Variants in HMGCLL1 observed in about 807,000 individuals in gnomAD.
HMGCLL1 encodes the protein 3-hydroxy-3-methylglutaryl-CoA lyase like 1.
Under a neutral mutation model 39.1 loss-of-function variants are expected in HMGCLL1, and 36 were observed. The ratio of observed to expected loss-of-function variants is 0.92; its 90% confidence interval spans 0.71 to 1.22. HMGCLL1 has a LOEUF of 1.22. HMGCLL1 is among the 50% of genes most tolerant of loss of function. The pLI, the probability that HMGCLL1 is intolerant of heterozygous loss-of-function variation, is 0.00. For missense variants in HMGCLL1, 451 were observed against 416.5 expected (o/e 1.08, Z -0.72); for synonymous variants, 149 against 144.0 (o/e 1.03, Z -0.25).
intron 1 of HMGCLL1, among the ~76,000 whole-genome samples, chr6:55,561,633 TA>T (rs529260515): frequency 0.013 from 1,914 of 152,122 alleles, 34 homozygotes; most frequent in African/African-American, 0.043. Flanking sequence ...AAAGCCAACT[TA>T]AAAAAAGTAT....
the HMGCLL1 span, among the ~76,000 whole-genome samples, chr6:55,667,534 T>C: frequency 6.6e-6 from 1 of 151,760 alleles, no homozygotes; most frequent in Non-Finnish European, 1.5e-5. Context: ...AAGGAGGCTT[T>C]TTCACATCAG....
intron 3 of HMGCLL1, among the ~76,000 whole-genome samples, chr6:55,522,958 A>G (rs1768110947): frequency 6.6e-6 from 1 of 151,982 alleles, no homozygotes; most frequent in African/African-American, 2.4e-5. Context: ...TTCATGTGAG[A>G]AAAAAATACA....
At chr6:55,659,828 C>A in the HMGCLL1 span, among the ~76,000 whole-genome samples, 1 of 151,888 alleles carries the variant, frequency 6.6e-6, no homozygotes, top group South Asian at 2.1e-4. Flanking sequence ...ATAAAGTTAC[C>A]AAAGTATTTC....
At chr6:55,602,175 A>T in the HMGCLL1 span, among the ~76,000 whole-genome samples, 1 of 152,138 alleles carries the variant, frequency 6.6e-6, no homozygotes, top group Non-Finnish European at 1.5e-5. Flanking sequence ...ATGTATGCAG[A>T]GCATAGTGGG....
Position 55,521,873 on chromosome 6 carries a change from G to A in HMGCLL1, c.298-5270C>T, listed in dbSNP as rs183660022. Among the ~76,000 whole-genome samples the A allele has an allele frequency of 1.9e-3, 283 of 152,162 alleles. 1 individual carries two copies. The highest frequency in any genetic ancestry group is 6.8e-3 in the Middle Eastern group (2 of 294). ...TGATTAAGTTTAGTGAGAAAGGAAT[G>A]TTGAAAGCCCCGATAGGTGATAAAC... is the stretch of plus-strand genomic sequence containing the variant. On this transcript the variant is annotated intron_variant, in intron 3 of 8. Transcript: ENST00000274901.
At chr6:55,625,626 G>A in the HMGCLL1 span, among the ~76,000 whole-genome samples, 9 of 152,100 alleles carry the variant, frequency 5.9e-5, no homozygotes, top group South Asian at 2.1e-4. Context: ...CCAGTGGGCC[G>A]AACTTTGAGC....
rs764795432 is a variant in HMGCLL1, at chr6:55,516,642, G to A, written c.298-39C>T. ...TAGTTATATGTAAATGTGTAACTTC[G>A]AATATGTTACCGAGAATCATTTTAG... is the stretch of plus-strand genomic sequence containing the variant. On this transcript the variant is annotated intron_variant, in intron 3 of 8. Coordinates refer to ENST00000274901, the MANE Select transcript of HMGCLL1 (RefSeq NM_001042406.2). 8.4e-6 allele frequency: 11 copies of A among 1,305,700 alleles called. No individual in the cohort carries two copies. In the African/African-American group the frequency reaches 8.7e-5, roughly 10 times the overall value. 80.9% of individuals were successfully genotyped at this position (1,305,700 alleles called of 1,614,324 possible).
chr6:55,586,283 G>C, the HMGCLL1 span, among the ~76,000 whole-genome samples: 1 of 152,008 alleles, frequency 6.6e-6, no homozygotes, highest in Non-Finnish European at 1.5e-5. Context: ...CCACATTCGA[G>C]AGGATTGGGT....
intron 7 of HMGCLL1, among the ~76,000 whole-genome samples, chr6:55,484,898 C>G (rs1407675234): frequency 7.1e-6 from 1 of 141,368 alleles, no homozygotes; most frequent in Non-Finnish European, 1.5e-5. Flanking sequence ...CAGGACTGCT[C>G]AAAACCCTGT....
chr6:55,456,749 T>G (rs892334728), intron 7 of HMGCLL1, among the ~76,000 whole-genome samples: 2 of 152,196 alleles, frequency 1.3e-5, no homozygotes, highest in African/African-American at 4.8e-5. Flanking sequence ...TCTCTCACAG[T>G]GACTCTGGAT....
the HMGCLL1 span, among the ~76,000 whole-genome samples, chr6:55,609,651 G>T: frequency 6.6e-6 from 1 of 152,140 alleles, no homozygotes; most frequent in African/African-American, 2.4e-5. Flanking sequence ...CCCCAGGGCA[G>T]CACAACTCGT....
At chr6:55,564,444 GGTTT>G (rs1039800944) in intron 1 of HMGCLL1, among the ~76,000 whole-genome samples, 9 of 151,810 alleles carry the variant, frequency 5.9e-5, no homozygotes, top group Admixed American at 5.3e-4. Context: ...ACAATGTGCA[GGTTT>G]GTTACATATG....
At chr6:55,606,552 C>T in the HMGCLL1 span, among the ~76,000 whole-genome samples, 4 of 152,040 alleles carry the variant, frequency 2.6e-5, no homozygotes, top group South Asian at 8.3e-4. Flanking sequence ...ACAGTATAAA[C>T]TAATAGTTTT....
upstream of HMGCLL1, among the ~76,000 whole-genome samples, chr6:55,583,054 T>C (rs555854618): frequency 3.9e-5 from 6 of 152,278 alleles, no homozygotes; most frequent in South Asian, 2.1e-4. Context: ...TCCTCCACTA[T>C]AGTTCTGTTT....
intron 3 of HMGCLL1, among the ~76,000 whole-genome samples, chr6:55,519,710 C>A (rs2127440446): frequency 6.6e-6 from 1 of 152,038 alleles, no homozygotes; most frequent in African/African-American, 2.4e-5. Flanking sequence ...CCTAAGTAAA[C>A]ATAGTATGTA....
At chr6:55,502,243 T>C (rs12192753) in intron 5 of HMGCLL1, among the ~76,000 whole-genome samples, 95,855 of 151,476 alleles carry the variant, frequency 0.63, 30,559 homozygotes, top group Non-Finnish European at 0.68. Context: ...TTATTGCTGA[T>C]AGGAATTTTA....
At chr6:55,608,938 G>T in the HMGCLL1 span, among the ~76,000 whole-genome samples, 1 of 152,210 alleles carries the variant, frequency 6.6e-6, no homozygotes. Context: ...GGAGAGAAGA[G>T]CAAGGTGGTG....
At chr6:55,600,456 A>G in the HMGCLL1 span, among the ~76,000 whole-genome samples, 1 of 152,144 alleles carries the variant, frequency 6.6e-6, no homozygotes, top group Non-Finnish European at 1.5e-5. Flanking sequence ...TCTCATGACT[A>G]TCTTTTGAAG....
intron 4 of HMGCLL1, among the ~76,000 whole-genome samples, chr6:55,515,959 T>C (rs571423072): frequency 6.6e-6 from 1 of 152,082 alleles, no homozygotes. Context: ...AAGAGGATAG[T>C]CTCATATGTA....
Sources: gnomAD v4.1 joint callset for allele counts (sites outside exome capture counted in the v4.1 genomes callset) on GRCh38, gnomAD v4.1.1 for gene constraint, MANE v1.5 for transcripts, NCBI Gene and HGNC (gene_info 2026-07-23, HGNC 2026-07-21) for gene names.